The following SPON1 variants were observed in gnomAD, a reference collection of about 807,000 sequenced individuals.
SPON1 encodes the protein spondin 1, also known as spondin-1.
SPON1 carries 52 observed loss-of-function variants against 111.7 expected under a neutral mutation model. The ratio of observed to expected loss-of-function variants is 0.47; its 90% CI spans 0.37 to 0.59. The LOEUF (loss-of-function observed/expected upper bound fraction) is 0.59. Ranked by LOEUF, SPON1 falls within the 20% of genes least tolerant of loss-of-function variation. The pLI is 0.00. For synonymous variants in SPON1, 410 were observed against 395.8 expected (o/e 1.04, Z -0.43); for missense variants, 957 against 1,068.5 (o/e 0.90, Z 1.46).
chr11:14,088,212 TTTC>T (rs1849022101), intron 5 of SPON1, among the ~76,000 whole-genome samples: 1 of 152,240 alleles, frequency 6.6e-6, no homozygotes, highest in Non-Finnish European at 1.5e-5. Flanking sequence ...GTTGATGCAG[TTTC>T]TTCATAGTGT....
chr11:13,981,302 T>A (rs1469730565), intron 1 of SPON1, among the ~76,000 whole-genome samples: 1 of 152,132 alleles, frequency 6.6e-6, no homozygotes, highest in Non-Finnish European at 1.5e-5. Context: ...GTTGAGAAGA[T>A]CCTTGAGCTA....
chr11:13,963,855 T>C (rs1847994776), intron 1 of SPON1, among the ~76,000 whole-genome samples: 1 of 152,040 alleles, frequency 6.6e-6, no homozygotes, highest in South Asian at 2.1e-4. Flanking sequence ...TGGGGTAAGC[T>C]CCGAGCTGCA....
chr11:13,978,661 G>A (rs1259602003), intron 1 of SPON1, among the ~76,000 whole-genome samples: 1 of 152,190 alleles, frequency 6.6e-6, no homozygotes, highest in Non-Finnish European at 1.5e-5. Context: ...AAGAGAAAAG[G>A]CATGCAGGTC....
intron 6 of SPON1, among the ~76,000 whole-genome samples, chr11:14,220,761 G>A (rs1554937520): frequency 6.6e-6 from 1 of 152,142 alleles, no homozygotes; most frequent in East Asian, 1.9e-4. Context: ...TGCATTAGGA[G>A]TTATTAGTTT....
chr11:14,036,899 T>C (rs1249361203), intron 2 of SPON1, among the ~76,000 whole-genome samples: 1 of 151,976 alleles, frequency 6.6e-6, no homozygotes, highest in Admixed American at 6.6e-5. Context: ...ATAGGATCCA[T>C]TGGATTAAGC....
chr11:14,103,062 A>G (rs1554924548), intron 5 of SPON1, among the ~76,000 whole-genome samples: 2 of 152,084 alleles, frequency 1.3e-5, no homozygotes, highest in African/African-American at 2.4e-5. Flanking sequence ...CTGGTAGTGT[A>G]TGATGGGGAA....
intron 6 of SPON1, among the ~76,000 whole-genome samples, chr11:14,162,224 A>T (rs970643705): frequency 1.3e-5 from 2 of 152,012 alleles, no homozygotes; most frequent in African/African-American, 2.4e-5. Context: ...ATGAACACTA[A>T]CCCATGTATA....
rs550311970 is a variant in SPON1, at chr11:14,211,083, C to T, written c.826-32249C>T. Among the ~76,000 whole-genome samples the T allele has an allele frequency of 8.5e-5, 13 of 152,148 alleles. No homozygotes were observed. The East Asian group carries it at 1.4e-3, about 16-fold the overall frequency. The stretch of plus-strand genomic sequence containing the variant: ...TTTCCTTAGGATTGTCTTGGCTATA[C>T]GGGCTCTTTTTAGGTTCCATATGAA... On this transcript the variant is annotated intron_variant, in intron 6 of 15. Coordinates refer to ENST00000576479, the MANE Select transcript of SPON1 (RefSeq NM_006108.4).
intron 5 of SPON1, among the ~76,000 whole-genome samples, chr11:14,109,706 A>G (rs1242859329): frequency 3.9e-5 from 6 of 152,220 alleles, no homozygotes; most frequent in African/African-American, 1.2e-4. Flanking sequence ...ATAAAGGATA[A>G]GTTCCAGGAA....
At chr11:14,211,361 G>A (rs1340567119) in intron 6 of SPON1, among the ~76,000 whole-genome samples, 4 of 152,118 alleles carry the variant, frequency 2.6e-5, no homozygotes, top group African/African-American at 9.7e-5. Flanking sequence ...GCCAAATCAT[G>A]AGCGAACTCC....
At chr11:14,243,501 T>C in intron 7 of SPON1, 105 bp downstream of exon 7, 1 of 921,420 alleles carries the variant, frequency 1.1e-6, no homozygotes, top group Non-Finnish European at 1.7e-6. Context: ...AAGTTAGCAC[T>C]ACTTCTCAGT....
chr11:14,172,592 G>T (rs1399712104), intron 6 of SPON1, among the ~76,000 whole-genome samples: 1 of 151,934 alleles, frequency 6.6e-6, no homozygotes, highest in Non-Finnish European at 1.5e-5. Flanking sequence ...TAGCCTCGAT[G>T]GTCTTTACAA....
Position 14,135,612 on chromosome 11 carries a change from G to T in SPON1, c.825+44G>T, listed in dbSNP as rs1554928002. The T allele has an allele frequency of 6.3e-7, 1 of 1,588,956 alleles. No individual in the cohort carries two copies. The highest frequency in any genetic ancestry group is 8.6e-7 in the Non-Finnish European group (1 of 1,160,572). ...AGAATGACCAAATAACAGAAATGCA[G>T]TCAAAGCACTCCTTAGATATCTTTC... On this transcript the variant is annotated intron_variant, in intron 6 of 15. Coordinates refer to ENST00000576479, the MANE Select transcript of SPON1 (RefSeq NM_006108.4). The surrounding 1 kb of genome is among the most constrained non-coding windows in gnomAD (Gnocchi z 4.4).
Position 14,180,160 on chromosome 11 carries a change from C to A in SPON1, c.825+44592C>A, listed in dbSNP as rs56999174. Among the ~76,000 whole-genome samples the A allele has an allele frequency of 2.6e-5, 4 of 152,142 alleles. No homozygotes were observed. In the South Asian group the frequency reaches 8.3e-4, roughly 32 times the overall value. The stretch of plus-strand genomic sequence containing the variant: ...CAGCAGGGGTTCCCAGGATGTGAGA[C>A]TTTTCAGTTTTAAAATCAGGACATT... On this transcript the variant is annotated intron_variant, in intron 6 of 15. Transcript: ENST00000576479.
At chr11:14,248,995 C>G (rs1438408328) in intron 7 of SPON1, among the ~76,000 whole-genome samples, 1 of 152,176 alleles carries the variant, frequency 6.6e-6, no homozygotes, top group South Asian at 2.1e-4. Context: ...GTAGAAAATG[C>G]CCAGATTTCC....
At chr11:14,111,205 A>G (rs1337265288) in intron 5 of SPON1, among the ~76,000 whole-genome samples, 3 of 152,232 alleles carry the variant, frequency 2.0e-5, no homozygotes, top group African/African-American at 7.2e-5. Flanking sequence ...AATCATTAGT[A>G]TCTTCAAGAT....
At chr11:14,084,455 A>G (rs555940391) in intron 5 of SPON1, among the ~76,000 whole-genome samples, 166 of 152,170 alleles carry the variant, frequency 1.1e-3, no homozygotes, top group Non-Finnish European at 2.1e-3. Flanking sequence ...AGCTTCATCC[A>G]TGTCCCTGCA....
chr11:14,025,035 G>A (rs1336872190), intron 2 of SPON1, among the ~76,000 whole-genome samples: 3 of 152,196 alleles, frequency 2.0e-5, no homozygotes, highest in Non-Finnish European at 2.9e-5. Context: ...GCAGAGGCAG[G>A]GCTGGTAGCA....
chr11:14,101,881 A>G (rs916297621), intron 5 of SPON1, among the ~76,000 whole-genome samples: 3 of 152,202 alleles, frequency 2.0e-5, no homozygotes, highest in Non-Finnish European at 4.4e-5. Flanking sequence ...AAATTTATAT[A>G]AAAGTTGCAA....
Sources: gnomAD v4.1 joint callset for allele counts (sites outside exome capture counted in the v4.1 genomes callset) on GRCh38, gnomAD v4.1.1 for gene constraint, Gnocchi (gnomAD v3.1) non-coding constraint, MANE v1.5 for transcripts, NCBI Gene and HGNC (gene_info 2026-07-23, HGNC 2026-07-21) for gene names.